Variants in ABCC3 observed in about 807,000 individuals in gnomAD.
ABCC3 encodes the protein ATP-binding cassette sub-family C member 3.
Under a neutral mutation model 165.3 loss-of-function variants are expected in ABCC3, and 121 were observed. The ratio of observed to expected loss-of-function variants is 0.73; its 90% CI spans 0.63 to 0.85. The LOEUF (loss-of-function observed/expected upper bound fraction) is 0.85, where lower values mean the gene tolerates loss of function less well. Among genes scored for constraint, ABCC3 ranks in the 40% least tolerant of loss-of-function variants. The probability of loss-of-function intolerance (pLI) is 0.00; values close to 1 mark genes in which losing one functional copy is unlikely to be tolerated. For missense variants in ABCC3, 1,869 were observed against 1,964.1 expected, an observed-to-expected ratio of 0.95 and a Z score of 0.92; for synonymous variants, 733 against 810.1, an observed-to-expected ratio of 0.90 and a Z score of 1.62.
rs1053690213 is a variant in ABCC3, at chr17:50,691,271, C to T, written c.*71C>T. 16 of 1,232,178 alleles carry T rather than the reference C, an allele frequency of 1.3e-5. No homozygotes were observed. Among genetic ancestry groups the T allele is most frequent in the Admixed American group, 3.6e-5 (2 of 55,172 alleles). 76.3% of individuals were successfully genotyped at this position (1,232,178 alleles called of 1,614,324 possible). A position where few individuals can be genotyped will look rare whatever the true frequency, so the allele number is the denominator to read the frequency against. On this transcript the variant is annotated 3_prime_UTR_variant, in exon 31 of 31. Transcript: ENST00000285238. Reference sequence around the variant, plus strand: ...GGAAGGAAATGACACCAAATATGTCCGCAGAATGGACTTGATAGCAAACAC... The same window carrying T: ...GGAAGGAAATGACACCAAATATGTCTGCAGAATGGACTTGATAGCAAACAC...
At chr17:50,635,229 G>C in intron 1 of ABCC3, 1 of 627,632 alleles carries the variant, frequency 1.6e-6, no homozygotes. Context: ...GGGGAGCCCG[G>C]GAAAGTGAGG....
At position 50,656,732 on chromosome 17, in the gene ABCC3, T is replaced by C. The variant is rs762737220; in HGVS notation, c.253T>C (p.Trp85Arg). The C allele has an allele frequency of 1.9e-6, 3 of 1,613,804 alleles. No homozygotes were observed. The highest frequency in any genetic ancestry group is 2.2e-5 in the South Asian group (2 of 91,052). The change falls in exon 3 of 31, where the codon TGG (tryptophan) becomes CGG (arginine). Residue 85 changes from tryptophan to arginine, a missense_variant. Trp to Arg is a moderately radical substitution (Grantham distance 101, BLOSUM62 -3). Coordinates refer to ENST00000285238, the MANE Select transcript of ABCC3 (RefSeq NM_003786.4). ...GGGTGTCCTGCTGTGGTGCGTCTCC[T>C]GGGCGGACCTTTTTTACTCCTTCCA... ...VLGVLLWCVS[W>R]ADLFYSFHGL...
At chr17:50,647,979 C>T (rs1282146846) in intron 1 of ABCC3, among the ~76,000 whole-genome samples, 1 of 151,986 alleles carries the variant, frequency 6.6e-6, no homozygotes, top group Non-Finnish European at 1.5e-5. Flanking sequence ...GCGGAGGTTG[C>T]TGTGAGCTGA....
At position 50,673,670 on chromosome 17, in the gene ABCC3, C is replaced by T. The variant is rs1326604979; in HGVS notation, c.2599+12C>T. Reference sequence around the variant, plus strand: ...GGACAGCTGGACCGGTATCTGCCATCCTGGGCCCTCTGATTCCCATGCCTT... The same window carrying T: ...GGACAGCTGGACCGGTATCTGCCATTCTGGGCCCTCTGATTCCCATGCCTT... On this transcript the variant is annotated intron_variant, in intron 19 of 30. Coordinates refer to ENST00000285238, the MANE Select transcript of ABCC3 (RefSeq NM_003786.4). 3 of 1,613,356 alleles carry T rather than the reference C, an allele frequency of 1.9e-6. No individual in the cohort carries two copies. In the South Asian group the frequency reaches 3.3e-5, roughly 18 times the overall value.
chr17:50,644,685 C>A (rs913810097), intron 1 of ABCC3, among the ~76,000 whole-genome samples: 1 of 151,986 alleles, frequency 6.6e-6, no homozygotes, highest in African/African-American at 2.4e-5. Context: ...GCACTCCAGC[C>A]GAGGTGACAG....
chr17:50,671,780 G>A (rs1967653546), intron 17 of ABCC3, among the ~76,000 whole-genome samples: 3 of 139,442 alleles, frequency 2.2e-5, no homozygotes, highest in African/African-American at 5.3e-5. Context: ...GGAGTACAGC[G>A]GCGTGATCTT....
rs1567826568 is a variant in ABCC3, at chr17:50,651,268, C to G, written c.46-4564C>G. ...CATGTTTCTCAATGGTCCAAAATGT[C>G]TTTAAGTCTCTCTGTAAAAATAAAC... is the stretch of plus-strand genomic sequence containing the variant. On this transcript the variant is annotated intron_variant, in intron 1 of 30. Coordinates refer to ENST00000285238, the MANE Select transcript of ABCC3 (RefSeq NM_003786.4). Among the ~76,000 whole-genome samples the G allele has an allele frequency of 2.0e-5, 3 of 152,100 alleles. No individual in the cohort carries two copies. In the South Asian group the frequency reaches 6.2e-4, roughly 32 times the overall value.
At position 50,673,199 on chromosome 17, in the gene ABCC3, G is replaced by A. The variant is rs192952457; in HGVS notation, c.2409+61G>A. On this transcript the variant is annotated intron_variant, in intron 18 of 30. Coordinates refer to ENST00000285238, the MANE Select transcript of ABCC3 (RefSeq NM_003786.4). ...GATCTGAGGCCCGAAGAGAGAGCTG[G>A]TGAGAGGCTGAGGGGTTTGGATGAG... 60 of 1,594,358 alleles carry A rather than the reference G, an allele frequency of 3.8e-5. No homozygotes were observed. The East Asian group carries it at 8.5e-4, about 23-fold the overall frequency.
chr17:50,671,259 TAA>T (rs528722797), intron 17 of ABCC3, among the ~76,000 whole-genome samples: 12 of 133,152 alleles, frequency 9.0e-5, no homozygotes, highest in Admixed American at 7.4e-5. Context: ...GACTCTGTCT[TAA>T]AAAAAAAAAA....
intron 1 of ABCC3, among the ~76,000 whole-genome samples, chr17:50,653,383 G>A (rs113718067): frequency 0.011 from 1,699 of 150,526 alleles, 37 homozygotes; most frequent in African/African-American, 0.039. Context: ...AAAGAAAAAG[G>A]AAAAGCTTTA....
chr17:50,687,613 C>T lies in ABCC3; in HGVS notation c.4358C>T (p.Thr1453Ile), dbSNP rs1968046493. ...KSRILVLDEA[T>I]AAIDLETDNL... ...CGCATCCTGGTTTTAGACGAGGCCA[C>T]AGCTGCCATCGACCTGGAGACTGAC... The change falls in exon 30 of 31, where the codon ACA becomes ATA. Residue 1453 changes from threonine (T) to isoleucine (I), a missense_variant. Thr to Ile is a moderately conservative substitution (Grantham distance 89). Coordinates refer to ENST00000285238, the MANE Select transcript of ABCC3 (RefSeq NM_003786.4). The T allele has an allele frequency of 2.5e-6, 4 of 1,614,154 alleles. No individual in the cohort carries two copies. Among genetic ancestry groups the T allele is most frequent in the South Asian group, 2.2e-5 (2 of 91,094 alleles).
intron 8 of ABCC3, among the ~76,000 whole-genome samples, chr17:50,662,628 A>G (rs796963093): frequency 1.3e-4 from 16 of 121,040 alleles, no homozygotes; most frequent in African/African-American, 5.8e-4. Flanking sequence ...ACAGAGAGAG[A>G]CCCTGTCTCA....
chr17:50,691,802 GT>G lies in ABCC3; in HGVS notation c.*604del, dbSNP rs1465256731. On this transcript the variant is annotated 3_prime_UTR_variant, in exon 31 of 31. Coordinates refer to ENST00000285238, the MANE Select transcript of ABCC3 (RefSeq NM_003786.4). ...CTTTCTACACATGTACATGGTTGTA[GT>G]TACCTGAACTTCAGACCCAAGAGCT... 1 of 152,290 alleles carries G rather than the reference GT, an allele frequency of 6.6e-6. No individual in the cohort carries two copies. Among genetic ancestry groups the G allele is most frequent in the Non-Finnish European group, 1.5e-5 (1 of 68,122 alleles). The allele number at this position is 152,290 out of a possible 1,614,324, so 9.4% of individuals were successfully genotyped here. A position where few individuals can be genotyped will look rare whatever the true frequency, so the allele number is the denominator to read the frequency against.
Position 50,661,109 on chromosome 17 carries a change from G to A in ABCC3, c.993G>A (p.Leu331=). 1.2e-6 allele frequency: 2 copies of A among 1,611,814 alleles called. No homozygotes were observed. Among genetic ancestry groups the A allele is most frequent in the Non-Finnish European group, 8.5e-7 (1 of 1,178,518 alleles). Reference sequence around the variant, plus strand: ...TGCTCTCCTTCATCAATCCACAGCTGCTCAGGTCTCTCCACACTCCGGCTC... The same window carrying A: ...TGCTCTCCTTCATCAATCCACAGCTACTCAGGTCTCTCCACACTCCGGCTC... The part of the protein sequence containing the change: ...QDLLSFINPQ[L]LSILIRFISN... The change falls in exon 8 of 31, where the codon CTG becomes CTA. Residue 331 remains leucine, a synonymous_variant. Coordinates refer to ENST00000285238, the MANE Select transcript of ABCC3 (RefSeq NM_003786.4).
chr17:50,648,910 T>A (rs1967056276), intron 1 of ABCC3, among the ~76,000 whole-genome samples: 1 of 150,850 alleles, frequency 6.6e-6, no homozygotes, highest in African/African-American at 2.4e-5. Context: ...AAGTCAGGAG[T>A]TCGAGACCAG....
intron 10 of ABCC3, 97 bp downstream of exon 10, chr17:50,664,208 G>C: frequency 6.7e-7 from 1 of 1,496,178 alleles, no homozygotes; most frequent in African/African-American, 1.4e-5. Context: ...GCACATGCTT[G>C]TAGTCCCAGC....
At chr17:50,673,697 C>A (rs1332810038) in intron 19 of ABCC3, 39 bp downstream of exon 19, 2 of 1,598,132 alleles carry the variant, frequency 1.3e-6, no homozygotes, top group Non-Finnish European at 1.7e-6. Flanking sequence ...CCATGCCTTC[C>A]CAGCATTCCC....
At chr17:50,637,391 C>G (rs1182980684) in intron 1 of ABCC3, among the ~76,000 whole-genome samples, 3 of 152,168 alleles carry the variant, frequency 2.0e-5, no homozygotes, top group Non-Finnish European at 4.4e-5. Flanking sequence ...CAAAAAAGGC[C>G]TGGAGTTCTG....
At chr17:50,690,614 GAGCAGCAGC>G (rs768620573) in intron 30 of ABCC3, among the ~76,000 whole-genome samples, 2 of 151,968 alleles carry the variant, frequency 1.3e-5, no homozygotes, top group East Asian at 1.9e-4. Context: ...GAGACCCACC[GAGCAGCAGC>G]AGCAGCAGCA....
Sources: gnomAD v4.1 joint callset for allele counts (sites outside exome capture counted in the v4.1 genomes callset) on GRCh38, gnomAD v4.1.1 for gene constraint, MANE v1.5 for transcripts, NCBI Gene and HGNC (gene_info 2026-07-23, HGNC 2026-07-21) for gene names.